The following MTMR3 variants were observed in gnomAD, a reference collection of about 807,000 sequenced individuals.
MTMR3 encodes phosphatidylinositol-3,5-bisphosphate 3-phosphatase MTMR3.
Under a neutral mutation model 132.4 loss-of-function variants are expected in MTMR3, and 32 were observed. The ratio of observed to expected loss-of-function variants is 0.24; its 90% CI spans 0.18 to 0.32. The LOEUF is 0.32. Ranked by LOEUF, MTMR3 falls within the 10% of genes least tolerant of loss-of-function variation. MTMR3 has a pLI of 1.00. For synonymous variants in MTMR3, 556 were observed against 550.3 expected (o/e 1.01, Z -0.14); for missense variants, 1,216 against 1,489.6 (o/e 0.82, Z 3.02).
chr22:29,997,293 C>T (rs2067081442), intron 7 of MTMR3: 1 of 152,190 alleles, frequency 6.6e-6, no homozygotes, highest in Non-Finnish European at 1.5e-5. Context: ...ACAGAATTGT[C>T]TTCCATCCAA....
intron 1 of MTMR3, among the ~76,000 whole-genome samples, chr22:29,916,720 C>T (rs2065316385): frequency 6.6e-6 from 1 of 152,148 alleles, no homozygotes. Context: ...GCTATTATAG[C>T]CTACTTCATA....
chr22:29,898,755 T>C (rs8138677), intron 1 of MTMR3, among the ~76,000 whole-genome samples: 24,390 of 152,074 alleles, frequency 0.16, 2,058 homozygotes, highest in South Asian at 0.24. Context: ...TCTCTGTTAG[T>C]TCCCTGAATC....
rs761184952 is a variant in MTMR3 at position 30,028,125 on chromosome 22, C to T, written c.*2324C>T. ...TCAGGGATCTGACCTGGCAGCTATT[C>T]CTCCTTCTCTGAAGAGTTCCCATCA... On this transcript the variant is annotated 3_prime_UTR_variant, in exon 20 of 20. Coordinates refer to ENST00000401950, the MANE Select transcript of MTMR3 (RefSeq NM_021090.4). 1.3e-5 allele frequency: 2 copies of T among 152,366 alleles called. No individual in the cohort carries two copies. Among genetic ancestry groups the T allele is most frequent in the Non-Finnish European group, 1.5e-5 (1 of 68,044 alleles). The allele number at this position is 152,366 out of a possible 1,614,324, so 9.4% of individuals were successfully genotyped here. A position where few individuals can be genotyped will look rare whatever the true frequency, so the allele number is the denominator to read the frequency against.
intron 1 of MTMR3, among the ~76,000 whole-genome samples, chr22:29,896,552 G>A (rs1204278677): frequency 6.6e-6 from 1 of 151,988 alleles, no homozygotes; most frequent in East Asian, 1.9e-4. Flanking sequence ...CAGTTTCTGG[G>A]CCAGATGTGT....
intron 1 of MTMR3, among the ~76,000 whole-genome samples, chr22:29,930,259 A>G (rs1306761547): frequency 6.6e-6 from 1 of 152,180 alleles, no homozygotes; most frequent in Non-Finnish European, 1.5e-5. Context: ...AATTCCAGGT[A>G]CCCTTTGGCC....
chr22:29,966,733 G>A (rs1468573424), intron 2 of MTMR3, among the ~76,000 whole-genome samples: 1 of 44,516 alleles, frequency 2.2e-5, no homozygotes. Flanking sequence ...GTGCGTGTGT[G>A]TGTGTGTGTG....
chr22:30,024,678 T>G (rs1243311509), intron 19 of MTMR3: 1 of 152,244 alleles, frequency 6.6e-6, no homozygotes, highest in Non-Finnish European at 1.5e-5. Context: ...TTTGGTGGGC[T>G]GTGTCAGGCT....
At chr22:29,981,748 G>T (rs1435540475) in intron 5 of MTMR3, 2 of 151,146 alleles carry the variant, frequency 1.3e-5, no homozygotes, top group Non-Finnish European at 2.9e-5. Context: ...TTGAACCCAG[G>T]AGGCGGAGGT....
At chr22:30,019,402 C>CCAGTTATCAAAAAACAA in intron 16 of MTMR3, 78 bp from the exon 17 acceptor site, 1 of 1,362,660 alleles carries the variant, frequency 7.3e-7, no homozygotes, top group Admixed American at 2.2e-5. Context: ...GAAACAACTG[C>CCAGTTATCAAAAAACAA]TTGTTAAAAC....
At chr22:30,019,442 T>G in intron 16 of MTMR3, 38 bp from the exon 17 acceptor site, 2 of 1,556,528 alleles carry the variant, frequency 1.3e-6, no homozygotes, top group Non-Finnish European at 1.7e-6. Context: ...CCAAACAGTT[T>G]CCAAGATTTT....
At chr22:29,917,859 G>C (rs2065338430) in intron 1 of MTMR3, among the ~76,000 whole-genome samples, 1 of 152,324 alleles carries the variant, frequency 6.6e-6, no homozygotes, top group South Asian at 2.1e-4. Context: ...CTGTGTCCAT[G>C]ATATGTATGG....
intron 2 of MTMR3, among the ~76,000 whole-genome samples, chr22:29,958,518 A>G (rs185035064): frequency 1.3e-5 from 2 of 151,942 alleles, no homozygotes; most frequent in Admixed American, 1.3e-4. Context: ...AATACTCTCC[A>G]AGGTGCTTTT....
chr22:30,008,289 T>G (rs1258663957), intron 11 of MTMR3: 1 of 375,742 alleles, frequency 2.7e-6, no homozygotes. Flanking sequence ...AAGCAGATCT[T>G]CCCCATAATA....
intron 1 of MTMR3, among the ~76,000 whole-genome samples, chr22:29,919,328 A>G (rs182933233): frequency 2.0e-5 from 3 of 152,316 alleles, no homozygotes; most frequent in Admixed American, 6.5e-5. Context: ...TTGTCTTACC[A>G]TGGATTTCTC....
chr22:29,942,693 C>G lies in MTMR3; in HGVS notation c.-137-14343C>G, dbSNP rs535379518. Among the ~76,000 whole-genome samples the G allele has an allele frequency of 2.0e-5, 3 of 152,300 alleles. No homozygotes were observed. In the East Asian group the frequency reaches 5.8e-4, roughly 29 times the overall value. On this transcript the variant is annotated intron_variant, in intron 1 of 19. Coordinates refer to ENST00000401950, the MANE Select transcript of MTMR3 (RefSeq NM_021090.4). Reference sequence around the variant, plus strand: ...TTCCTTGCTGAGAAAAAGAATTCAGCGATATTTCTCCCATTTGCTTTTGAA... The same window carrying G: ...TTCCTTGCTGAGAAAAAGAATTCAGGGATATTTCTCCCATTTGCTTTTGAA...
rs1276634531 is a variant in MTMR3, at chr22:30,016,522, C to G, written c.1504-6C>G. On this transcript the variant is annotated splice_region_variant and splice_polypyrimidine_tract_variant and intron_variant, in intron 14 of 19. Transcript: ENST00000401950. ...GCTTAATTTGTGCTTCATTGGACTT[C>G]CATAGGTGAAACTGGTGCAGCATAC... 1 of 1,612,796 alleles carries G rather than the reference C, an allele frequency of 6.2e-7. No individual in the cohort carries two copies. The highest frequency in any genetic ancestry group is 8.5e-7 in the Non-Finnish European group (1 of 1,179,334).
intron 18 of MTMR3, 101 bp from the exon 19 acceptor site, chr22:30,022,508 T>C: frequency 1.0e-6 from 1 of 983,524 alleles, no homozygotes. Context: ...CCACTGGAGC[T>C]GATGTGGTCC....
intron 1 of MTMR3, among the ~76,000 whole-genome samples, chr22:29,884,750 A>G (rs1300695616): frequency 6.6e-6 from 1 of 151,854 alleles, no homozygotes; most frequent in Non-Finnish European, 1.5e-5. Context: ...TTTAGTAGAG[A>G]CGGGGATTTC....
intron 1 of MTMR3, among the ~76,000 whole-genome samples, chr22:29,908,609 C>T (rs192958804): frequency 2.9e-4 from 44 of 152,220 alleles, no homozygotes; most frequent in Admixed American, 7.8e-4. Flanking sequence ...ATTGTTGGCC[C>T]TTTGCGGAAA....
Sources: allele counts gnomAD v4.1 joint callset (sites outside exome capture counted in the v4.1 genomes callset), GRCh38; gene constraint gnomAD v4.1.1; transcripts MANE v1.5; gene names NCBI Gene and HGNC (gene_info 2026-07-23, HGNC 2026-07-21).